The following TRNT1 variants were observed in gnomAD, a reference collection of about 807,000 sequenced individuals.
The protein encoded by TRNT1 is CCA tRNA nucleotidyltransferase 1, mitochondrial.
Under a neutral mutation model 45.6 loss-of-function variants are expected in TRNT1, and 44 were observed. The observed-to-expected ratio is 0.97, with a 90% CI of 0.76 to 1.24. The LOEUF is 1.24. Among genes scored for constraint, TRNT1 ranks in the 50% most tolerant of loss-of-function variants. The pLI, the probability that TRNT1 is intolerant of heterozygous loss-of-function variation, is 0.00. For synonymous variants in TRNT1, 201 were observed against 171.4 expected, an observed-to-expected ratio of 1.17 and a Z score of -1.35; for missense variants, 633 against 504.4, an observed-to-expected ratio of 1.25 and a Z score of -2.44.
At chr3:3,145,454 G>C (rs1705940532) in intron 5 of TRNT1, 1 of 146,534 alleles carries the variant, frequency 6.8e-6, no homozygotes, top group African/African-American at 2.6e-5. Flanking sequence ...AGTGAGCCGA[G>C]ATCGTGCCAC....
intron 2 of TRNT1, chr3:3,130,113 T>C: frequency 1.4e-6 from 1 of 724,246 alleles, no homozygotes; most frequent in Admixed American, 2.8e-5. Flanking sequence ...AGCCACACAG[T>C]AGCATTACAA....
chr3:3,133,714 T>C (rs1559217325), intron 2 of TRNT1, among the ~76,000 whole-genome samples: 2 of 152,150 alleles, frequency 1.3e-5, no homozygotes, highest in Non-Finnish European at 2.9e-5. Flanking sequence ...CTCAGTGTTA[T>C]GTGACGTCAG....
At chr3:3,153,038 C>G (rs1706693871), downstream of TRNT1, 1 of 300,636 alleles carries the variant, frequency 3.3e-6, no homozygotes, top group Non-Finnish European at 6.3e-6. Context: ...TATATCAGAG[C>G]ATCAGTATGT....
chr3:3,150,922 G>C, downstream of TRNT1: 7 of 1,613,960 alleles, frequency 4.3e-6, no homozygotes, highest in Non-Finnish European at 5.1e-6. Flanking sequence ...CTGGGATCGT[G>C]GGCAACAGAG....
intron 5 of TRNT1, chr3:3,144,917 C>G: frequency 3.3e-6 from 1 of 304,516 alleles, no homozygotes; most frequent in Non-Finnish European, 5.7e-6. Context: ...CGCACATATA[C>G]TTTATGTCAT....
At chr3:3,142,983 A>G (rs182780912) in intron 4 of TRNT1, among the ~76,000 whole-genome samples, 1 of 152,370 alleles carries the variant, frequency 6.6e-6, no homozygotes, top group African/African-American at 2.4e-5. Context: ...AGAGTTAAGC[A>G]TTAAGTGTGA....
intron 4 of TRNT1, among the ~76,000 whole-genome samples, chr3:3,141,714 C>T (rs540113512): frequency 1.3e-5 from 2 of 152,216 alleles, no homozygotes; most frequent in South Asian, 2.1e-4. Context: ...AAGGATGAAA[C>T]ATCCACTGTT....
intron 4 of TRNT1, among the ~76,000 whole-genome samples, chr3:3,141,933 T>A (rs1705680567): frequency 6.6e-6 from 1 of 152,148 alleles, no homozygotes; most frequent in Non-Finnish European, 1.5e-5. Context: ...CAGAAAAACT[T>A]CATAAAGTAT....
chr3:3,142,723 C>T (rs1448571209), intron 4 of TRNT1, among the ~76,000 whole-genome samples: 1 of 152,134 alleles, frequency 6.6e-6, no homozygotes, highest in East Asian at 1.9e-4. Flanking sequence ...ATTTTTTCCT[C>T]CAAATTTTGA....
intron 6 of TRNT1, 32 bp downstream of exon 6, chr3:3,146,655 T>C: frequency 6.7e-7 from 1 of 1,503,214 alleles, no homozygotes; most frequent in Admixed American, 2.3e-5. Flanking sequence ...TTTGAATTTT[T>C]GGCAGTGAAA....
At chr3:3,131,199 A>T (rs983588171) in intron 2 of TRNT1, 1 of 152,214 alleles carries the variant, frequency 6.6e-6, no homozygotes, top group African/African-American at 2.4e-5. Flanking sequence ...CTCAGTAAGT[A>T]CAAGTGGCTG....
At position 3,140,556 on chromosome 3, in the gene TRNT1, C is replaced by T; in HGVS notation, c.389C>T (p.Thr130Ile). The T allele has an allele frequency of 6.2e-7, 1 of 1,614,078 alleles. No individual in the cohort carries two copies. Among genetic ancestry groups the T allele is most frequent in the Non-Finnish European group, 8.5e-7 (1 of 1,179,978 alleles). Residue 130 changes from threonine to isoleucine, a missense_variant, in exon 4 of 8, where the codon ACC becomes ATC. By Grantham distance (89) the Thr-to-Ile change is moderately conservative. Transcript: ENST00000251607. ...ATTACTACACTACGGATTGATGTCACCACTGATGGAAGACATGCTGAGGTA... is the reference window on the plus strand; with the variant it reads ...ATTACTACACTACGGATTGATGTCATCACTGATGGAAGACATGCTGAGGTA... Reference protein sequence around the residue: ...FEITTLRIDVTTDGRHAEVEF... With the variant: ...FEITTLRIDVITDGRHAEVEF...
At chr3:3,150,844 CTT>C (rs1491120829), downstream of TRNT1, 51 of 1,607,226 alleles carry the variant, frequency 3.2e-5, no homozygotes, top group African/African-American at 2.3e-4. Flanking sequence ...TGTTAGATAA[CTT>C]TATCTCTATC....
At chr3:3,133,220 C>G (rs544830441) in intron 2 of TRNT1, among the ~76,000 whole-genome samples, 7 of 152,102 alleles carry the variant, frequency 4.6e-5, no homozygotes, top group Non-Finnish European at 1.0e-4. Flanking sequence ...TTTTATGTAT[C>G]TTTTTGCTTC....
rs116434849 is a variant in TRNT1, at chr3:3,134,090, T to G, written c.149-3170T>G. Among the ~76,000 whole-genome samples the G allele has an allele frequency of 1.9e-3, 286 of 152,330 alleles. 2 individuals carry two copies. Among genetic ancestry groups the G allele is most frequent in the African/African-American group, 6.5e-3 (270 of 41,588 alleles). On this transcript the variant is annotated intron_variant, in intron 2 of 7. Coordinates refer to ENST00000251607, the MANE Select transcript of TRNT1 (RefSeq NM_182916.3). ...AGTTTGGGGATGATGAGATTCTGCA[T>G]TCTTTGACTTTTAGGCTTAAGTTTA...
intron 3 of TRNT1, 139 bp from the exon 4 acceptor site, chr3:3,140,371 G>A: frequency 1.5e-6 from 1 of 658,616 alleles, no homozygotes; most frequent in South Asian, 2.6e-5. Context: ...TTTAGGTATG[G>A]TAGTTGACGT....
At chr3:3,133,898 T>C (rs1214268841) in intron 2 of TRNT1, among the ~76,000 whole-genome samples, 1 of 152,082 alleles carries the variant, frequency 6.6e-6, no homozygotes, top group African/African-American at 2.4e-5. Context: ...CGTCAAAATT[T>C]AAAGCTGTAA....
downstream of TRNT1, chr3:3,152,605 CA>C (rs763181247): frequency 6.2e-7 from 1 of 1,613,900 alleles, no homozygotes; most frequent in Non-Finnish European, 8.5e-7. Context: ...AAAGAATCAA[CA>C]TGGAGAACAC....
intron 2 of TRNT1, among the ~76,000 whole-genome samples, chr3:3,132,737 A>C (rs1420396617): frequency 6.0e-5 from 8 of 133,434 alleles, no homozygotes; most frequent in Non-Finnish European, 6.4e-5. Context: ...GAAGGAAAAA[A>C]AAAAAAACAC....
Sources: allele counts gnomAD v4.1 joint callset (sites outside exome capture counted in the v4.1 genomes callset), GRCh38; gene constraint gnomAD v4.1.1; transcripts MANE v1.5; gene names NCBI Gene and HGNC (gene_info 2026-07-23, HGNC 2026-07-21).